PTPA: variants seen among roughly 807,000 people sequenced by gnomAD.
The protein encoded by PTPA is protein phosphatase 2 phosphatase activator, also known as serine/threonine-protein phosphatase 2A activator.
Under a neutral mutation model 43.6 loss-of-function variants are expected in PTPA, and 13 were observed. The ratio of observed to expected loss-of-function variants is 0.30; its 90% CI spans 0.19 to 0.47. The LOEUF (loss-of-function observed/expected upper bound fraction) is 0.47. Ranked by LOEUF, PTPA falls within the 20% of genes least tolerant of loss-of-function variation. The probability of loss-of-function intolerance (pLI) is 0.99; values close to 1 mark genes in which losing one functional copy is unlikely to be tolerated. For missense variants in PTPA, 329 were observed against 411.9 expected (o/e 0.80, Z 1.74); for synonymous variants, 172 against 158.2 (o/e 1.09, Z -0.66).
chr9:129,126,671 T>G (rs1849601699), intron 3 of PTPA, among the ~76,000 whole-genome samples: 1 of 152,120 alleles, frequency 6.6e-6, no homozygotes, highest in African/African-American at 2.4e-5. Flanking sequence ...GTCCTTGAAA[T>G]CCAAAAAGGA....
At chr9:129,114,438 T>A (rs1293662404) in intron 1 of PTPA, among the ~76,000 whole-genome samples, 1 of 151,692 alleles carries the variant, frequency 6.6e-6, no homozygotes, top group Non-Finnish European at 1.5e-5. Context: ...TTAAAATTTC[T>A]TTTTTTTTCC....
At chr9:129,125,816 A>G (rs1849539455) in intron 3 of PTPA, among the ~76,000 whole-genome samples, 1 of 152,220 alleles carries the variant, frequency 6.6e-6, no homozygotes, top group Non-Finnish European at 1.5e-5. Flanking sequence ...ACCATTAGGC[A>G]TTAGTCAGTT....
At chr9:129,134,727 TG>T in intron 5 of PTPA, 67 bp from the exon 6 acceptor site, 1 of 1,307,456 alleles carries the variant, frequency 7.6e-7, no homozygotes, top group South Asian at 1.3e-5. Flanking sequence ...ATTCGGATTC[TG>T]GGAGACTAAA....
chr9:129,121,018 G>C (rs1227957948), intron 2 of PTPA, among the ~76,000 whole-genome samples: 1 of 152,210 alleles, frequency 6.6e-6, no homozygotes, highest in East Asian at 1.9e-4. Context: ...TTTGGCCAGG[G>C]ATATGGCTAA....
chr9:129,117,171 C>T (rs1219566529), intron 1 of PTPA, among the ~76,000 whole-genome samples: 6 of 151,850 alleles, frequency 4.0e-5, no homozygotes, highest in Admixed American at 3.3e-4. Context: ...CCTCAGCCCC[C>T]GAATAGCTAG....
intron 8 of PTPA, among the ~76,000 whole-genome samples, chr9:129,141,130 TGA>T (rs1481462715): frequency 6.6e-6 from 1 of 151,784 alleles, no homozygotes; most frequent in Non-Finnish European, 1.5e-5. Flanking sequence ...GGGAGGGAAA[TGA>T]GGGGGATAAA....
chr9:129,144,438 CTT>C (rs973113796), intron 9 of PTPA, among the ~76,000 whole-genome samples: 2 of 152,126 alleles, frequency 1.3e-5, no homozygotes, highest in African/African-American at 4.8e-5. Context: ...AACTCCCTGA[CTT>C]TAAGATCACC....
intron 9 of PTPA, among the ~76,000 whole-genome samples, chr9:129,145,508 C>G (rs1588543317): frequency 6.6e-6 from 1 of 152,192 alleles, no homozygotes; most frequent in Admixed American, 6.5e-5. Flanking sequence ...TAAGGAGGCC[C>G]TCCAAGGCCT....
At chr9:129,122,599 G>C (rs1849316423) in intron 2 of PTPA, among the ~76,000 whole-genome samples, 1 of 152,174 alleles carries the variant, frequency 6.6e-6, no homozygotes. Context: ...TGAATTCCTG[G>C]TGGTAGAGCA....
chr9:129,134,303 T>C (rs1850203797), intron 5 of PTPA, among the ~76,000 whole-genome samples: 1 of 125,114 alleles, frequency 8.0e-6, no homozygotes, highest in African/African-American at 3.1e-5. Context: ...GTTCTTTTTT[T>C]TTTTTTTTTT....
At chr9:129,143,267 C>A in intron 9 of PTPA, 1 of 700,492 alleles carries the variant, frequency 1.4e-6, no homozygotes, top group Admixed American at 2.0e-5. Flanking sequence ...CTCCCACTTC[C>A]TGGGAAGACT....
chr9:129,146,787 A>G (rs1851330022), intron 9 of PTPA, among the ~76,000 whole-genome samples: 1 of 152,184 alleles, frequency 6.6e-6, no homozygotes, highest in South Asian at 2.1e-4. Context: ...GGCTGGGCTC[A>G]GGGAGTCGGG....
chr9:129,123,685 CT>C (rs941411953), intron 3 of PTPA, among the ~76,000 whole-genome samples: 88 of 148,244 alleles, frequency 5.9e-4, no homozygotes, highest in African/African-American at 1.9e-3. Context: ...TTTTTTCTTT[CT>C]TTTTTTTTTA....
rs1849761295 is a variant in PTPA, at chr9:129,128,896, G to A, written c.217-89G>A. On this transcript the variant is annotated intron_variant, in intron 3 of 9. Coordinates refer to ENST00000393370, the MANE Select transcript of PTPA (RefSeq NM_178000.3). ...TTCCCAGTAGGGGCCATGCCAAGGG[G>A]TCATTGTCTGGCAGCAGTGGACTTC... 4 of 1,530,074 alleles carry A rather than the reference G, an allele frequency of 2.6e-6. No individual in the cohort carries two copies. In the East Asian group the frequency reaches 6.8e-5, roughly 26 times the overall value. 94.8% of individuals were successfully genotyped at this position (1,530,074 alleles called of 1,614,324 possible).
rs922696364 is a variant in PTPA at position 129,135,045 on chromosome 9, T to C, written c.560+151T>C. On this transcript the variant is annotated intron_variant, in intron 6 of 9. Coordinates refer to ENST00000393370, the MANE Select transcript of PTPA (RefSeq NM_178000.3). The stretch of plus-strand genomic sequence containing the variant: ...TCAAGCTCTGGCTGTGGATGGAGTG[T>C]CCAAGCCTTTTTTCCAACAGGTTCA... The C allele has an allele frequency of 1.9e-5, 12 of 618,656 alleles. No individual in the cohort carries two copies. The African/African-American group carries it at 2.2e-4, about 11-fold the overall frequency. 38.3% of individuals were successfully genotyped at this position (618,656 alleles called of 1,614,324 possible).
At chr9:129,143,799 C>T (rs774015481) in intron 9 of PTPA, 14 of 218,662 alleles carry the variant, frequency 6.4e-5, no homozygotes, top group Admixed American at 5.0e-4. Flanking sequence ...CCACCCCCGG[C>T]TCTCCACTCC....
chr9:129,111,913 C>T, intron 1 of PTPA: 1 of 656,658 alleles, frequency 1.5e-6, no homozygotes, highest in East Asian at 3.5e-5. Context: ...GCGCCGTGGT[C>T]ATAAGGGGGC....
At chr9:129,123,019 C>T in intron 2 of PTPA, 33 bp from the exon 3 acceptor site, 4 of 1,548,662 alleles carry the variant, frequency 2.6e-6, no homozygotes, top group Non-Finnish European at 3.5e-6. Flanking sequence ...TGCCACCCCT[C>T]TCCCCATCCC....
intron 9 of PTPA, among the ~76,000 whole-genome samples, chr9:129,143,941 A>C (rs1002545311): frequency 6.6e-6 from 1 of 151,442 alleles, no homozygotes; most frequent in Non-Finnish European, 1.5e-5. Flanking sequence ...AGCATGTGAG[A>C]GGTGCACATC....
Sources: allele counts gnomAD v4.1 joint callset (sites outside exome capture counted in the v4.1 genomes callset), GRCh38; gene constraint gnomAD v4.1.1; transcripts MANE v1.5; gene names NCBI Gene and HGNC (gene_info 2026-07-23, HGNC 2026-07-21).